Variants in TMEM30A observed in about 807,000 individuals in gnomAD.
TMEM30A encodes the protein cell cycle control protein 50A.
In TMEM30A, 24 loss-of-function variants were observed where a neutral mutation model predicts 38.2. The observed-to-expected ratio is 0.63, with a 90% CI of 0.46 to 0.88. The LOEUF (loss-of-function observed/expected upper bound fraction) is 0.88, where lower values mean the gene tolerates loss of function less well. Among genes scored for constraint, TMEM30A ranks in the 40% least tolerant of loss-of-function variants. TMEM30A has a pLI of 0.00. For synonymous variants in TMEM30A, 145 were observed against 161.6 expected (o/e 0.90, Z 0.78); for missense variants, 370 against 458.6 (o/e 0.81, Z 1.77).
intron 1 of TMEM30A, among the ~76,000 whole-genome samples, chr6:75,283,212 CA>C (rs1216656232): frequency 6.6e-6 from 1 of 152,042 alleles, no homozygotes; most frequent in Non-Finnish European, 1.5e-5. Context: ...TTAGAGATAA[CA>C]CTGCAAATTA....
chr6:75,282,764 G>C (rs545085665), intron 1 of TMEM30A, among the ~76,000 whole-genome samples: 10 of 152,150 alleles, frequency 6.6e-5, no homozygotes, highest in Middle Eastern at 3.4e-3. Context: ...TATTTATATT[G>C]CTTCTAATTC....
chr6:75,278,242 C>A (rs1772294507), intron 1 of TMEM30A, among the ~76,000 whole-genome samples: 1 of 152,170 alleles, frequency 6.6e-6, no homozygotes, highest in Non-Finnish European at 1.5e-5. Context: ...TGATGACATA[C>A]CATTTCACCA....
chr6:75,283,812 G>A (rs143070382), intron 1 of TMEM30A, among the ~76,000 whole-genome samples: 1 of 152,162 alleles, frequency 6.6e-6, no homozygotes, highest in African/African-American at 2.4e-5. Flanking sequence ...AGCTCAAAAT[G>A]AAAAGTACTA....
At chr6:75,257,331 G>A (rs1444196730) in intron 6 of TMEM30A, among the ~76,000 whole-genome samples, 1 of 152,086 alleles carries the variant, frequency 6.6e-6, no homozygotes, top group South Asian at 2.1e-4. Flanking sequence ...ATGTTTTGCA[G>A]GTCCAAATTC....
chr6:75,274,764 C>T (rs566182140), intron 1 of TMEM30A, among the ~76,000 whole-genome samples: 1 of 152,158 alleles, frequency 6.6e-6, no homozygotes, highest in African/African-American at 2.4e-5. Context: ...TGGCTCACAC[C>T]TGTAATCCCA....
intron 1 of TMEM30A, chr6:75,273,030 T>A (rs1468724596): frequency 6.6e-6 from 1 of 152,330 alleles, no homozygotes; most frequent in African/African-American, 2.4e-5. Context: ...CAACAGCAGC[T>A]GTGGCATCTG....
At chr6:75,273,156 C>T (rs1772203655) in intron 1 of TMEM30A, among the ~76,000 whole-genome samples, 1 of 152,202 alleles carries the variant, frequency 6.6e-6, no homozygotes, top group Non-Finnish European at 1.5e-5. Flanking sequence ...TTAATACTTT[C>T]TTTCCTGTCT....
At chr6:75,266,203 T>G (rs1191491970) in intron 2 of TMEM30A, among the ~76,000 whole-genome samples, 1 of 152,168 alleles carries the variant, frequency 6.6e-6, no homozygotes, top group Non-Finnish European at 1.5e-5. Flanking sequence ...TTATCCTTAA[T>G]TAAAAGTAAT....
At chr6:75,265,180 C>T (rs781702597) in intron 3 of TMEM30A, 51 bp downstream of exon 3, 2 of 1,136,188 alleles carry the variant, frequency 1.8e-6, no homozygotes, top group South Asian at 1.3e-5. Flanking sequence ...ACAGTTACTA[C>T]ATATTCTTAT....
chr6:75,255,866 T>C lies in TMEM30A; in HGVS notation c.*236A>G, dbSNP rs1013743653. On this transcript the variant is annotated 3_prime_UTR_variant, in exon 7 of 7. Transcript: ENST00000230461. Reference sequence around the variant, plus strand: ...TCCGAATAAAAAGCAAACATTAGAATGCCATTTCAGCAGTTACAGTGTTGA... The same window carrying C: ...TCCGAATAAAAAGCAAACATTAGAACGCCATTTCAGCAGTTACAGTGTTGA... 15 of 375,778 alleles carry C rather than the reference T, an allele frequency of 4.0e-5. No individual in the cohort carries two copies. The highest frequency in any genetic ancestry group is 6.7e-5 in the Non-Finnish European group (14 of 209,068). 23.3% of individuals were successfully genotyped at this position (375,778 alleles called of 1,614,324 possible). A position where few individuals can be genotyped will look rare whatever the true frequency, so the allele number is the denominator to read the frequency against.
intron 6 of TMEM30A, chr6:75,256,839 C>CT (rs1381860097): frequency 4.4e-6 from 2 of 452,620 alleles, no homozygotes; most frequent in African/African-American, 4.0e-5. Context: ...TGTGACACAG[C>CT]TGATAGCTAA....
rs570686711 is a variant in TMEM30A, at chr6:75,274,942, C to T, written c.238-7194G>A. Among the ~76,000 whole-genome samples the T allele has an allele frequency of 1.2e-3, 182 of 150,070 alleles. 1 individual carries two copies. Among genetic ancestry groups the T allele is most frequent in the African/African-American group, 4.4e-3 (179 of 40,710 alleles). On this transcript the variant is annotated intron_variant, in intron 1 of 6. Coordinates refer to ENST00000230461, the MANE Select transcript of TMEM30A (RefSeq NM_018247.4). The stretch of plus-strand genomic sequence containing the variant: ...AGGAGAACGGCATGAACCTGGGAGG[C>T]GGAGCTTGCAGTAAGCCAAGATCGT...
rs899499285 is a variant in TMEM30A at position 75,284,183 on chromosome 6, T to C, written c.237+219A>G. 16 of 605,392 alleles carry C rather than the reference T, an allele frequency of 2.6e-5. No homozygotes were observed. The Admixed American group carries it at 4.2e-4, about 16-fold the overall frequency. The allele number at this position is 605,392 out of a possible 1,614,324, so 37.5% of individuals were successfully genotyped here. A position where few individuals can be genotyped will look rare whatever the true frequency, so the allele number is the denominator to read the frequency against. Reference sequence around the variant, plus strand: ...CTCAGCTCATTCCGTGGATTTGCTCTTTCGTAAATCTCGAGCAAGACAAAG... The same window carrying C: ...CTCAGCTCATTCCGTGGATTTGCTCCTTCGTAAATCTCGAGCAAGACAAAG... On this transcript the variant is annotated intron_variant, in intron 1 of 6. Transcript: ENST00000230461.
Position 75,256,054 on chromosome 6 carries a change from G to C in TMEM30A, c.*48C>G, listed in dbSNP as rs932522602. On this transcript the variant is annotated 3_prime_UTR_variant, in exon 7 of 7. Coordinates refer to ENST00000230461, the MANE Select transcript of TMEM30A (RefSeq NM_018247.4). The stretch of plus-strand genomic sequence containing the variant: ...CAGCATTCGAAAGCTAGGTTGAATA[G>C]GACTGGCCTTGATGCACATGCAGAT... 3.3e-5 allele frequency: 45 copies of C among 1,367,878 alleles called. No individual in the cohort carries two copies. Among genetic ancestry groups the C allele is most frequent in the Non-Finnish European group, 4.6e-5 (45 of 981,136 alleles). The allele number at this position is 1,367,878 out of a possible 1,614,324, so 84.7% of individuals were successfully genotyped here. A position where few individuals can be genotyped will look rare whatever the true frequency, so the allele number is the denominator to read the frequency against.
rs188936094 is a variant in TMEM30A, at chr6:75,254,888, A to G, written c.*1214T>C. 10 of 152,664 alleles carry G rather than the reference A, an allele frequency of 6.6e-5. No individual in the cohort carries two copies. The East Asian group carries it at 1.9e-3, about 29-fold the overall frequency. The allele number at this position is 152,664 out of a possible 1,614,324, so 9.5% of individuals were successfully genotyped here. A position where few individuals can be genotyped will look rare whatever the true frequency, so the allele number is the denominator to read the frequency against. On this transcript the variant is annotated 3_prime_UTR_variant, in exon 7 of 7. Coordinates refer to ENST00000230461, the MANE Select transcript of TMEM30A (RefSeq NM_018247.4). ...TTATTCAATAAGGAATATTAAAATA[A>G]TTCATTAGTAAAAAATAAAATAACT... is the stretch of plus-strand genomic sequence containing the variant.
At chr6:75,269,338 C>T (rs1189436493) in intron 1 of TMEM30A, among the ~76,000 whole-genome samples, 1 of 152,210 alleles carries the variant, frequency 6.6e-6, no homozygotes, top group East Asian at 1.9e-4. Flanking sequence ...AAGGACTGAT[C>T]TTTTTACTGT....
rs151068918 is a variant in TMEM30A at position 75,284,482 on chromosome 6, T to C, written c.157A>G (p.Ile53Val). 1.7e-4 allele frequency: 268 copies of C among 1,612,488 alleles called. No individual in the cohort carries two copies. In the African/African-American group the frequency reaches 2.6e-3, roughly 16 times the overall value. The change falls in exon 1 of 7, where the codon ATT becomes GTT. Residue 53 changes from isoleucine to valine, a missense_variant. Ile to Val is a conservative substitution (Grantham distance 29, BLOSUM62 3). Coordinates refer to ENST00000230461, the MANE Select transcript of TMEM30A (RefSeq NM_018247.4). ...PILTAGTVLP[I>V]FFIIGLIFIP... ...AAGATGAGACCGATGATGAAGAAAA[T>C]AGGTAGCACCGTGCCAGCCGTAAGG...
Position 75,267,717 on chromosome 6 carries a change from G to C in TMEM30A, c.269C>G (p.Pro90Arg), listed in dbSNP as rs1488899490. ...IDYTGTEPSS[P>R]CNKCLSPDVT... is the part of the protein sequence containing the mutation. ...ATCCGGAGATAAACATTTATTACAGGGACTGGAAGGCTCTGTTCCGGTATA... is the reference window on the plus strand; with the variant it reads ...ATCCGGAGATAAACATTTATTACAGCGACTGGAAGGCTCTGTTCCGGTATA... The change falls in exon 2 of 7, where the codon CCC becomes CGC. Residue 90 changes from proline (P) to arginine (R), a missense_variant. Pro to Arg is a moderately radical substitution (Grantham distance 103). Coordinates refer to ENST00000230461, the MANE Select transcript of TMEM30A (RefSeq NM_018247.4). 1.5e-5 allele frequency: 24 copies of C among 1,609,828 alleles called. No individual in the cohort carries two copies. Among genetic ancestry groups the C allele is most frequent in the Non-Finnish European group, 1.8e-5 (21 of 1,178,054 alleles).
intron 1 of TMEM30A, among the ~76,000 whole-genome samples, chr6:75,270,469 A>G (rs1340895612): frequency 1.3e-5 from 2 of 152,100 alleles, no homozygotes; most frequent in Non-Finnish European, 2.9e-5. Context: ...TGGAGCTCCT[A>G]TGATGGGATT....
Sources: allele counts gnomAD v4.1 joint callset (sites outside exome capture counted in the v4.1 genomes callset), GRCh38; gene constraint gnomAD v4.1.1; transcripts MANE v1.5; gene names NCBI Gene and HGNC (gene_info 2026-07-23, HGNC 2026-07-21).